ZSWIM5: variants seen among roughly 807,000 people sequenced by gnomAD.
The protein encoded by ZSWIM5 is zinc finger SWIM-type containing 5.
In ZSWIM5, 55 loss-of-function variants were observed where a neutral mutation model predicts 119.6. That is an observed-to-expected ratio of 0.46 (90% CI 0.37 to 0.58). The LOEUF (loss-of-function observed/expected upper bound fraction) is 0.58, where lower values mean the gene tolerates loss of function less well. Ranked by LOEUF, ZSWIM5 falls within the 20% of genes least tolerant of loss-of-function variation. ZSWIM5 has a pLI of 0.00. For synonymous variants in ZSWIM5, 537 were observed against 606.9 expected, an observed-to-expected ratio of 0.88 and a Z score of 1.69; for missense variants, 1,193 against 1,512.8, an observed-to-expected ratio of 0.79 and a Z score of 3.51.
chr1:45,191,368 T>C (rs1304529873), intron 1 of ZSWIM5, among the ~76,000 whole-genome samples: 2 of 152,186 alleles, frequency 1.3e-5, no homozygotes, highest in Admixed American at 1.3e-4. Context: ...AGCTGTCTGA[T>C]GAAAGCACTT....
intron 11 of ZSWIM5, among the ~76,000 whole-genome samples, chr1:45,022,846 A>C (rs1644896383): frequency 6.6e-6 from 1 of 152,224 alleles, no homozygotes. Context: ...TATACTTTAA[A>C]TCACCTCTAG....
intron 1 of ZSWIM5, among the ~76,000 whole-genome samples, chr1:45,191,018 C>T (rs987705802): frequency 1.5e-5 from 2 of 136,340 alleles, no homozygotes; most frequent in African/African-American, 5.5e-5. Flanking sequence ...GCTATCTCCT[C>T]TCACTGCAAG....
At position 45,206,356 on chromosome 1, in the gene ZSWIM5, G is replaced by GGGACTGAC; in HGVS notation, c.-14_-7dup. 1 of 1,423,256 alleles carries GGGACTGAC rather than the reference G, an allele frequency of 7.0e-7. No homozygotes were observed. The highest frequency in any genetic ancestry group is 9.2e-7 in the Non-Finnish European group (1 of 1,088,724). The allele number at this position is 1,423,256 out of a possible 1,614,324, so 88.2% of individuals were successfully genotyped here. The stretch of plus-strand genomic sequence containing the variant: ...CGCTCACCTCCGTCCGCCATTGCTG[G>GGGACTGAC]GGACTGACTGACTGACTGAGGCGGC... On this transcript the variant is annotated 5_prime_UTR_variant, in exon 1 of 14. Transcript: ENST00000359600.
intron 8 of ZSWIM5, among the ~76,000 whole-genome samples, chr1:45,036,519 G>A (rs538918694): frequency 4.3e-4 from 66 of 151,728 alleles, no homozygotes; most frequent in African/African-American, 1.3e-3. Context: ...AACACCTGTC[G>A]AATTTTTGTA....
chr1:45,022,162 G>A (rs1031450056), intron 11 of ZSWIM5, among the ~76,000 whole-genome samples: 8 of 147,592 alleles, frequency 5.4e-5, no homozygotes, highest in South Asian at 2.1e-4. Context: ...ACGGAGTCTC[G>A]TGCTGTTGCC....
At chr1:45,192,801 C>T (rs1039165720) in intron 1 of ZSWIM5, among the ~76,000 whole-genome samples, 14 of 152,020 alleles carry the variant, frequency 9.2e-5, no homozygotes, top group Non-Finnish European at 1.8e-4. Context: ...ACATCCTTGC[C>T]AACATTTGTT....
chr1:45,047,423 T>G (rs1645062625), intron 5 of ZSWIM5, among the ~76,000 whole-genome samples: 1 of 152,202 alleles, frequency 6.6e-6, no homozygotes, highest in African/African-American at 2.4e-5. Flanking sequence ...TCTGTACTAT[T>G]CTTTTTAATG....
At chr1:45,026,770 G>T (rs1056720403) in intron 11 of ZSWIM5, among the ~76,000 whole-genome samples, 2 of 152,088 alleles carry the variant, frequency 1.3e-5, no homozygotes, top group Non-Finnish European at 2.9e-5. Flanking sequence ...CTATTTTCTG[G>T]AAGAGACTTT....
chr1:45,123,871 T>C (rs1645606738), intron 1 of ZSWIM5, among the ~76,000 whole-genome samples: 1 of 152,032 alleles, frequency 6.6e-6, no homozygotes, highest in African/African-American at 2.4e-5. Flanking sequence ...ACCCCAGACC[T>C]TAAAAGCAGC....
chr1:45,023,600 T>G, intron 11 of ZSWIM5, among the ~76,000 whole-genome samples: 1 of 152,116 alleles, frequency 6.6e-6, no homozygotes, highest in Non-Finnish European at 1.5e-5. Context: ...TATTTATCCG[T>G]TCACCTTTTG....
chr1:45,185,780 G>A (rs1297712652), intron 1 of ZSWIM5, among the ~76,000 whole-genome samples: 1 of 152,158 alleles, frequency 6.6e-6, no homozygotes, highest in East Asian at 1.9e-4. Flanking sequence ...TGGAGAAATA[G>A]GAACACTTTT....
At chr1:45,201,100 C>T (rs1241306223) in intron 1 of ZSWIM5, among the ~76,000 whole-genome samples, 1 of 152,096 alleles carries the variant, frequency 6.6e-6, no homozygotes. Context: ...GCCACGTGAC[C>T]ACAAAATCAG....
At position 45,178,970 on chromosome 1, in the gene ZSWIM5, A is replaced by C. The variant is rs111720840; in HGVS notation, c.595+26786T>G. ...ATGAATTCCACAAGGTTAGGGGTAC[A>C]AGATCAACATACAAAAATCAGTTAT... is the stretch of plus-strand genomic sequence containing the variant. On this transcript the variant is annotated intron_variant, in intron 1 of 13. Coordinates refer to ENST00000359600, the MANE Select transcript of ZSWIM5 (RefSeq NM_020883.2). Among the ~76,000 whole-genome samples, 1,509 of 152,230 alleles carry C rather than the reference A, an allele frequency of 9.9e-3. 35 individuals carry two copies. Among genetic ancestry groups the C allele is most frequent in the African/African-American group, 0.035 (1,447 of 41,564 alleles).
chr1:45,115,427 G>A lies in ZSWIM5; in HGVS notation c.596-27190C>T, dbSNP rs541485208. Among the ~76,000 whole-genome samples, 150 of 150,972 alleles carry A rather than the reference G, an allele frequency of 9.9e-4. 1 individual carries two copies. The highest frequency in any genetic ancestry group is 3.2e-3 in the African/African-American group (131 of 41,076). Reference sequence around the variant, plus strand: ...GGGCTCCTCACTTCTCAGACGGGGCGGCCGGGCAGAGACGCTCCTCACCTT... The same window carrying A: ...GGGCTCCTCACTTCTCAGACGGGGCAGCCGGGCAGAGACGCTCCTCACCTT... On this transcript the variant is annotated intron_variant, in intron 1 of 13. Transcript: ENST00000359600.
intron 6 of ZSWIM5, among the ~76,000 whole-genome samples, chr1:45,041,407 T>C (rs1357352659): frequency 6.6e-6 from 1 of 152,140 alleles, no homozygotes; most frequent in African/African-American, 2.4e-5. Flanking sequence ...TTTTGTGCTT[T>C]TTTTCTTAAA....
chr1:45,126,252 C>G (rs1295863356), intron 1 of ZSWIM5, among the ~76,000 whole-genome samples: 1 of 148,980 alleles, frequency 6.7e-6, no homozygotes, highest in South Asian at 2.1e-4. Flanking sequence ...AAATCTGGTT[C>G]ACTGAAAAAA....
chr1:45,142,283 A>G (rs1645732092), intron 1 of ZSWIM5, among the ~76,000 whole-genome samples: 1 of 152,212 alleles, frequency 6.6e-6, no homozygotes, highest in Non-Finnish European at 1.5e-5. Context: ...AATGAAATCA[A>G]CTAATTTCTC....
At chr1:45,156,697 A>T (rs1645828780) in intron 1 of ZSWIM5, among the ~76,000 whole-genome samples, 1 of 150,958 alleles carries the variant, frequency 6.6e-6, no homozygotes, top group Admixed American at 6.6e-5. Flanking sequence ...AACGTACTGC[A>T]TATGTCGGGG....
At chr1:45,105,077 G>A (rs149694872) in intron 1 of ZSWIM5, among the ~76,000 whole-genome samples, 3,128 of 151,872 alleles carry the variant, frequency 0.021, 114 homozygotes, top group African/African-American at 0.072. Flanking sequence ...TTGGCCTGCC[G>A]AGTGCCTGGG....
Sources: gnomAD v4.1 joint callset for allele counts (sites outside exome capture counted in the v4.1 genomes callset) on GRCh38, gnomAD v4.1.1 for gene constraint, MANE v1.5 for transcripts, NCBI Gene and HGNC (gene_info 2026-07-23, HGNC 2026-07-21) for gene names.